The following EVL variants were observed in gnomAD, a reference collection of about 807,000 sequenced individuals.
EVL encodes Enah/Vasp-like.
In EVL, 21 loss-of-function variants were observed where a neutral mutation model predicts 59.6. That is an observed-to-expected ratio of 0.35 (90% CI 0.25 to 0.51). The LOEUF is 0.51. EVL is among the 20% of genes least tolerant of loss of function. The pLI is 0.97. For missense variants in EVL, 462 were observed against 546.6 expected (o/e 0.85, Z 1.54); for synonymous variants, 198 against 203.5 (o/e 0.97, Z 0.23).
intron 4 of EVL, among the ~76,000 whole-genome samples, chr14:100,125,726 T>C (rs529109241): frequency 1.3e-5 from 2 of 152,114 alleles, no homozygotes; most frequent in African/African-American, 4.8e-5. Context: ...CAGCTCATTT[T>C]TGTATTTTTA....
intron 3 of EVL, among the ~76,000 whole-genome samples, chr14:100,112,136 T>G (rs1446642167): frequency 6.6e-6 from 1 of 152,248 alleles, no homozygotes; most frequent in Non-Finnish European, 1.5e-5. Context: ...TCCTGCCAGC[T>G]TCAGCTCATA....
intron 3 of EVL, among the ~76,000 whole-genome samples, chr14:100,116,162 G>A (rs934978567): frequency 2.6e-5 from 4 of 152,220 alleles, no homozygotes; most frequent in African/African-American, 9.7e-5. Context: ...AGGAAAGCAG[G>A]GCCTTGTAAC....
At chr14:100,121,621 C>T (rs1279860077) in intron 3 of EVL, among the ~76,000 whole-genome samples, 3 of 152,208 alleles carry the variant, frequency 2.0e-5, no homozygotes, top group Admixed American at 1.3e-4. Flanking sequence ...CCAGAGCCCT[C>T]TGGAAGGGCC....
intron 2 of EVL, among the ~76,000 whole-genome samples, chr14:100,088,416 C>T (rs116629694): frequency 2.0e-5 from 3 of 152,274 alleles, no homozygotes; most frequent in Non-Finnish European, 4.4e-5. Flanking sequence ...CTGAGAAATG[C>T]GCCCCTGGGG....
intron 1 of EVL, among the ~76,000 whole-genome samples, chr14:100,001,136 G>T (rs946539645): frequency 6.6e-6 from 1 of 152,170 alleles, no homozygotes; most frequent in Non-Finnish European, 1.5e-5. Context: ...GTATCAGTAG[G>T]CAGGTATGAA....
chr14:100,102,764 G>A lies in EVL; in HGVS notation c.358+5106G>A, dbSNP rs528351626. ...CCAGAGTATTTCTCTGCTGCCTGCT[G>A]ATCTTGGCACCCACCATCATACTGT... is the stretch of plus-strand genomic sequence containing the variant. On this transcript the variant is annotated intron_variant, in intron 3 of 13. Transcript: ENST00000392920. Among the ~76,000 whole-genome samples, 6 of 152,238 alleles carry A rather than the reference G, an allele frequency of 3.9e-5. No homozygotes were observed. In the South Asian group the frequency reaches 1.2e-3, roughly 32 times the overall value.
At chr14:100,031,038 C>T (rs2061307115) in intron 1 of EVL, among the ~76,000 whole-genome samples, 1 of 152,100 alleles carries the variant, frequency 6.6e-6, no homozygotes, top group Middle Eastern at 3.5e-3. Context: ...TGAAGAGCAC[C>T]CTTCCAACAA....
intron 1 of EVL, among the ~76,000 whole-genome samples, chr14:100,053,841 G>T (rs2140251216): frequency 6.6e-6 from 1 of 152,068 alleles, no homozygotes; most frequent in South Asian, 2.1e-4. Context: ...GTAAAGACAG[G>T]GTTTCACCAT....
intron 1 of EVL, among the ~76,000 whole-genome samples, chr14:100,028,548 C>T (rs987134694): frequency 2.6e-5 from 4 of 152,168 alleles, no homozygotes; most frequent in African/African-American, 9.7e-5. Context: ...CGCGGTGGCT[C>T]ACGCCTGTAA....
At chr14:100,132,354 A>G (rs8016001) in intron 7 of EVL, among the ~76,000 whole-genome samples, 119,556 of 151,704 alleles carry the variant, frequency 0.79, 47,554 homozygotes, top group African/African-American at 0.9. Context: ...GCCCAGAGAG[A>G]TGCCTCTCTG....
At chr14:100,040,271 C>G (rs1424798593) in intron 1 of EVL, among the ~76,000 whole-genome samples, 1 of 152,154 alleles carries the variant, frequency 6.6e-6, no homozygotes, top group Non-Finnish European at 1.5e-5. Flanking sequence ...TTTAACATTA[C>G]TGTATTTTTT....
chr14:100,092,551 A>G (rs1172867880), intron 2 of EVL, among the ~76,000 whole-genome samples: 1 of 152,160 alleles, frequency 6.6e-6, no homozygotes, highest in Non-Finnish European at 1.5e-5. Context: ...CCTGGCCAAC[A>G]TGGTGAAACC....
chr14:100,041,731 C>T (rs1168105214), intron 1 of EVL, among the ~76,000 whole-genome samples: 1 of 152,166 alleles, frequency 6.6e-6, no homozygotes, highest in East Asian at 1.9e-4. Flanking sequence ...ATGGATTTCA[C>T]CATGGACTTA....
At chr14:100,077,643 G>T (rs1462790519) in intron 1 of EVL, among the ~76,000 whole-genome samples, 5 of 152,170 alleles carry the variant, frequency 3.3e-5, no homozygotes, top group Non-Finnish European at 7.3e-5. Context: ...CCTAGAACCA[G>T]CAAACGTGTG....
upstream of EVL, among the ~76,000 whole-genome samples, chr14:100,062,680 A>G (rs184108737): frequency 6.6e-6 from 1 of 152,338 alleles, no homozygotes; most frequent in African/African-American, 2.4e-5. Flanking sequence ...AGACTCAGTC[A>G]TACACTACCT....
chr14:100,082,467 C>A (rs1218579476), intron 1 of EVL, among the ~76,000 whole-genome samples: 3 of 152,152 alleles, frequency 2.0e-5, no homozygotes, highest in Non-Finnish European at 4.4e-5. Flanking sequence ...CTCTGCAGAG[C>A]ACCCTGTGTG....
intron 1 of EVL, among the ~76,000 whole-genome samples, chr14:99,979,502 G>T (rs937552706): frequency 6.6e-6 from 1 of 151,782 alleles, no homozygotes; most frequent in African/African-American, 2.4e-5. Context: ...TATATGTGAA[G>T]TTGGCCCTCT....
chr14:100,050,638 A>G (rs1484175450), intron 1 of EVL, among the ~76,000 whole-genome samples: 1 of 150,724 alleles, frequency 6.6e-6, no homozygotes, highest in Admixed American at 6.6e-5. Flanking sequence ...CGCCTGGCCA[A>G]AAATTTGTGT....
intron 1 of EVL, among the ~76,000 whole-genome samples, chr14:100,005,799 A>C (rs1832939699): frequency 6.6e-6 from 1 of 152,004 alleles, no homozygotes; most frequent in South Asian, 2.1e-4. Context: ...CAAGCATCAA[A>C]CCAGAAAGGG....
Sources: gnomAD v4.1 joint callset for allele counts (sites outside exome capture counted in the v4.1 genomes callset) on GRCh38, gnomAD v4.1.1 for gene constraint, MANE v1.5 for transcripts, NCBI Gene and HGNC (gene_info 2026-07-23, HGNC 2026-07-21) for gene names.